TPP2: variants seen among roughly 807,000 people sequenced by gnomAD.
The protein encoded by TPP2 is tripeptidyl-peptidase 2.
In TPP2, 34 loss-of-function variants were observed where a neutral mutation model predicts 155.9. The observed-to-expected ratio is 0.22, with a 90% CI of 0.17 to 0.29. The LOEUF (loss-of-function observed/expected upper bound fraction) is 0.29. TPP2 is among the 10% of genes least tolerant of loss of function. TPP2 has a pLI of 1.00. For missense variants in TPP2, 1,028 were observed against 1,522.3 expected (o/e 0.68, Z 5.40); for synonymous variants, 510 against 529.4 (o/e 0.96, Z 0.50).
chr13:102,649,157 T>G lies in TPP2; in HGVS notation c.2873+6T>G. 6.3e-7 allele frequency: 1 copy of G among 1,596,774 alleles called. No homozygotes were observed. The highest frequency in any genetic ancestry group is 8.5e-7 in the Non-Finnish European group (1 of 1,172,214). On this transcript the variant is annotated splice_donor_region_variant and intron_variant, in intron 22 of 29. Coordinates refer to ENST00000376052, the MANE Select transcript of TPP2 (RefSeq NM_001330588.2). ...ACTTCCTTACCTGATGATAAGTAAG[T>G]GATAACATTGCTTATACTTACTGCC...
chr13:102,660,195 A>AC (rs959168864), intron 25 of TPP2, among the ~76,000 whole-genome samples: 11 of 151,440 alleles, frequency 7.3e-5, no homozygotes, highest in Non-Finnish European at 1.2e-4. Flanking sequence ...TAAAAAAAAA[A>AC]TAAAAATGAA....
At chr13:102,676,747 A>T (rs936834989) in intron 29 of TPP2, among the ~76,000 whole-genome samples, 1 of 152,188 alleles carries the variant, frequency 6.6e-6, no homozygotes, top group Non-Finnish European at 1.5e-5. Flanking sequence ...TGTTGCCTCA[A>T]CTCTAAAATG....
intron 24 of TPP2, 81 bp downstream of exon 24, chr13:102,651,478 T>A: frequency 7.4e-7 from 1 of 1,342,524 alleles, no homozygotes; most frequent in Non-Finnish European, 1.0e-6. Flanking sequence ...ATTATAAACC[T>A]TTTTTTTAAT....
intron 8 of TPP2, 129 bp from the exon 9 acceptor site, chr13:102,629,353 G>C (rs1881862672): frequency 4.7e-6 from 5 of 1,072,368 alleles, no homozygotes; most frequent in Admixed American, 7.1e-5. Context: ...TAGAATGGCT[G>C]TATCATGTTC....
intron 6 of TPP2, among the ~76,000 whole-genome samples, chr13:102,625,805 GC>G (rs1881580179): frequency 6.6e-6 from 1 of 152,200 alleles, no homozygotes; most frequent in Admixed American, 6.5e-5. Flanking sequence ...TTCTCCTGGA[GC>G]TCCAACACAC....
intron 27 of TPP2, among the ~76,000 whole-genome samples, chr13:102,673,683 C>G (rs1394265791): frequency 6.6e-6 from 1 of 152,212 alleles, no homozygotes; most frequent in South Asian, 2.1e-4. Context: ...TCTGCCACTT[C>G]CTAACTGGAG....
At chr13:102,653,387 TTCTG>T (rs1595194683) in intron 24 of TPP2, among the ~76,000 whole-genome samples, 1 of 152,070 alleles carries the variant, frequency 6.6e-6, no homozygotes, top group Admixed American at 6.6e-5. Flanking sequence ...ATAATATATT[TTCTG>T]TTTGTTTGTA....
At chr13:102,604,107 A>C (rs949318245) in intron 1 of TPP2, among the ~76,000 whole-genome samples, 1 of 152,158 alleles carries the variant, frequency 6.6e-6, no homozygotes, top group African/African-American at 2.4e-5. Flanking sequence ...GGAGAAAATC[A>C]GGTGGTGGGG....
intron 4 of TPP2, 76 bp downstream of exon 4, chr13:102,616,576 T>A: frequency 1.7e-6 from 2 of 1,198,510 alleles, no homozygotes; most frequent in African/African-American, 3.1e-5. Flanking sequence ...ACTAATAGAC[T>A]GTTTTTCCAC....
At chr13:102,674,809 C>T (rs1201662950) in intron 28 of TPP2, among the ~76,000 whole-genome samples, 1 of 152,162 alleles carries the variant, frequency 6.6e-6, no homozygotes, top group African/African-American at 2.4e-5. Flanking sequence ...TTCAGGCCCA[C>T]CCTTCTCTAG....
Position 102,638,293 on chromosome 13 carries a change from A to G in TPP2, c.1891A>G (p.Ile631Val), listed in dbSNP as rs188995641. Residue 631 changes from isoleucine to valine, a missense_variant, in exon 15 of 30, where the codon ATC (isoleucine) becomes GTC (valine). Coordinates refer to ENST00000376052, the MANE Select transcript of TPP2 (RefSeq NM_001330588.2). ...PNAGPLFRVP[I>V]TAVIAAKVNE... ...CGCAGGTCCGCTCTTCAGAGTTCCGATCACTGCAGTTATAGCAGCAAAGTA... is the reference window on the plus strand; with the variant it reads ...CGCAGGTCCGCTCTTCAGAGTTCCGGTCACTGCAGTTATAGCAGCAAAGTA... 1.2e-5 allele frequency: 20 copies of G among 1,613,006 alleles called. No individual in the cohort carries two copies. The highest frequency in any genetic ancestry group is 1.7e-5 in the Non-Finnish European group (20 of 1,179,950).
intron 2 of TPP2, among the ~76,000 whole-genome samples, chr13:102,609,771 A>G (rs1376592442): frequency 6.6e-6 from 1 of 152,098 alleles, no homozygotes; most frequent in South Asian, 2.1e-4. Context: ...ATCCACCCCC[A>G]TGATCCAGTC....
At chr13:102,610,522 G>A (rs573960891) in intron 2 of TPP2, among the ~76,000 whole-genome samples, 8 of 152,222 alleles carry the variant, frequency 5.3e-5, no homozygotes, top group Non-Finnish European at 5.9e-5. Context: ...CAGCCACCGC[G>A]CCCAGCTGTC....
intron 12 of TPP2, 108 bp downstream of exon 12, chr13:102,635,810 T>A: frequency 1.2e-6 from 1 of 801,960 alleles, no homozygotes; most frequent in Non-Finnish European, 2.0e-6. Flanking sequence ...ATATCTGAAT[T>A]ATGGATTATA....
At chr13:102,610,746 A>G (rs915049314) in intron 2 of TPP2, among the ~76,000 whole-genome samples, 2 of 152,262 alleles carry the variant, frequency 1.3e-5, no homozygotes, top group Non-Finnish European at 2.9e-5. Flanking sequence ...CCATGAGCAG[A>G]TAAAAGTACA....
intron 18 of TPP2, 105 bp from the exon 19 acceptor site, chr13:102,644,804 T>C: frequency 7.0e-7 from 1 of 1,423,526 alleles, no homozygotes. Flanking sequence ...GTAGGCTTTG[T>C]GTGTGGGTAC....
chr13:102,637,544 G>C lies in TPP2; in HGVS notation c.1836+305G>C, dbSNP rs561683025. Among the ~76,000 whole-genome samples the C allele has an allele frequency of 4.9e-4, 74 of 151,908 alleles. No individual in the cohort carries two copies. The South Asian group carries it at 0.015, about 30-fold the overall frequency. On this transcript the variant is annotated intron_variant, in intron 14 of 29. Transcript: ENST00000376052. ...CAGCTAAACAAAGCTGCAGTTGCTT[G>C]TTGTTGTTGTTGTTGTTGTTTTAAG...
At chr13:102,631,903 A>G (rs567884211) in intron 10 of TPP2, among the ~76,000 whole-genome samples, 2 of 152,384 alleles carry the variant, frequency 1.3e-5, no homozygotes, top group East Asian at 1.9e-4. Flanking sequence ...ACACACAGCA[A>G]CTACTGACTT....
intron 19 of TPP2, 139 bp downstream of exon 19, chr13:102,645,148 T>C: frequency 1.3e-6 from 1 of 779,636 alleles, no homozygotes; most frequent in Non-Finnish European, 2.0e-6. Context: ...AGCAGATCTC[T>C]GCAAGGCAGC....
Sources: allele counts gnomAD v4.1 joint callset (sites outside exome capture counted in the v4.1 genomes callset), GRCh38; gene constraint gnomAD v4.1.1; transcripts MANE v1.5; gene names NCBI Gene and HGNC (gene_info 2026-07-23, HGNC 2026-07-21).